Variants in SLC35F1 observed in about 807,000 individuals in gnomAD.
The protein encoded by SLC35F1 is solute carrier family 35 member F1, also known as chromosome 6 open reading frame 169.
A neutral mutation model predicts 48.7 loss-of-function variants in SLC35F1; 14 were observed. The observed-to-expected ratio is 0.29, with a 90% CI of 0.19 to 0.45. SLC35F1 has a LOEUF of 0.45. SLC35F1 is among the 20% of genes least tolerant of loss of function. The probability of loss-of-function intolerance (pLI) is 1.00; values close to 1 mark genes in which losing one functional copy is unlikely to be tolerated. For missense variants in SLC35F1, 404 were observed against 500.0 expected, an observed-to-expected ratio of 0.81 and a Z score of 1.83; for synonymous variants, 190 against 202.2, an observed-to-expected ratio of 0.94 and a Z score of 0.51.
At chr6:118,193,178 A>G (rs145169078) in intron 2 of SLC35F1, among the ~76,000 whole-genome samples, 1 of 152,308 alleles carries the variant, frequency 6.6e-6, no homozygotes, top group East Asian at 1.9e-4. Flanking sequence ...GCATTAGTGT[A>G]CTATTAATGT....
intron 7 of SLC35F1, among the ~76,000 whole-genome samples, chr6:118,303,680 T>C (rs1776280251): frequency 1.3e-5 from 2 of 152,358 alleles, no homozygotes; most frequent in South Asian, 4.1e-4. Flanking sequence ...GACTACAGCT[T>C]TGTTTGCTAA....
chr6:118,010,730 A>G (rs1777233712), intron 1 of SLC35F1, among the ~76,000 whole-genome samples: 1 of 152,174 alleles, frequency 6.6e-6, no homozygotes, highest in South Asian at 2.1e-4. Context: ...TTCTTTAACC[A>G]ATCTTGTTGT....
intron 1 of SLC35F1, among the ~76,000 whole-genome samples, chr6:117,913,958 C>T (rs57240224): frequency 0.081 from 12,232 of 151,900 alleles, 1,674 homozygotes; most frequent in African/African-American, 0.28. Context: ...GGCTGAGGCA[C>T]GAGAACCACT....
intron 6 of SLC35F1, among the ~76,000 whole-genome samples, chr6:118,281,183 T>G (rs1775979236): frequency 9.6e-6 from 1 of 104,456 alleles, no homozygotes; most frequent in African/African-American, 4.1e-5. Flanking sequence ...TAACTCTCTC[T>G]CTCTCTCTCT....
At chr6:118,215,405 A>C (rs1233907982) in intron 2 of SLC35F1, among the ~76,000 whole-genome samples, 1 of 152,122 alleles carries the variant, frequency 6.6e-6, no homozygotes, top group Non-Finnish European at 1.5e-5. Context: ...GCTTTTAACT[A>C]ATATGTATTA....
intron 1 of SLC35F1, among the ~76,000 whole-genome samples, chr6:118,040,038 G>A (rs1017714764): frequency 5.9e-5 from 9 of 151,972 alleles, no homozygotes; most frequent in Non-Finnish European, 1.2e-4. Context: ...CTCAGCCTTT[G>A]GTATGCTGCT....
chr6:118,104,740 C>T (rs896161117), intron 1 of SLC35F1, among the ~76,000 whole-genome samples: 8 of 152,040 alleles, frequency 5.3e-5, no homozygotes, highest in African/African-American at 1.9e-4. Context: ...AGAATGTCAC[C>T]CACCCACCAT....
At chr6:118,216,465 C>CA (rs55750771) in intron 2 of SLC35F1, among the ~76,000 whole-genome samples, 127,836 of 139,084 alleles carry the variant, frequency 0.92, 58,673 homozygotes, top group East Asian at 0.97. Context: ...ACCCCCACTT[C>CA]AAAAAAAAAA....
intron 3 of SLC35F1, among the ~76,000 whole-genome samples, chr6:118,262,841 G>T (rs111536540): frequency 0.04 from 6,074 of 152,198 alleles, 420 homozygotes; most frequent in African/African-American, 0.14. Context: ...AATCCCAGCA[G>T]TTTGGGAGAC....
intron 4 of SLC35F1, among the ~76,000 whole-genome samples, chr6:118,270,756 A>C (rs976251615): frequency 2.0e-5 from 3 of 152,198 alleles, no homozygotes; most frequent in African/African-American, 7.2e-5. Flanking sequence ...GTGGCTTCTG[A>C]GAATATTATA....
chr6:117,999,328 G>A (rs915460714), intron 1 of SLC35F1: 45 of 1,595,568 alleles, frequency 2.8e-5, no homozygotes, highest in Non-Finnish European at 3.1e-5. Flanking sequence ...GGCTCAGGCT[G>A]TGCCGGCCAA....
At chr6:118,037,818 A>G (rs1004687577) in intron 1 of SLC35F1, among the ~76,000 whole-genome samples, 2 of 149,716 alleles carry the variant, frequency 1.3e-5, no homozygotes, top group Admixed American at 1.3e-4. Flanking sequence ...GAATTGAACA[A>G]TGAGAACACA....
At chr6:118,201,857 T>C (rs1774877370) in intron 2 of SLC35F1, among the ~76,000 whole-genome samples, 1 of 152,312 alleles carries the variant, frequency 6.6e-6, no homozygotes, top group Middle Eastern at 3.4e-3. Context: ...AGAAATGAAA[T>C]CATATAATAT....
intron 6 of SLC35F1, among the ~76,000 whole-genome samples, chr6:118,279,766 T>C (rs1775959675): frequency 6.6e-6 from 1 of 152,184 alleles, no homozygotes; most frequent in Non-Finnish European, 1.5e-5. Flanking sequence ...GACTATGTCC[T>C]GATGGAAAGC....
intron 1 of SLC35F1, among the ~76,000 whole-genome samples, chr6:118,081,833 G>A (rs1402353936): frequency 6.6e-6 from 1 of 152,176 alleles, no homozygotes; most frequent in Non-Finnish European, 1.5e-5. Flanking sequence ...TCTTTGCTGT[G>A]AGTCTGCAGA....
chr6:118,192,754 A>G (rs948512171), intron 2 of SLC35F1, among the ~76,000 whole-genome samples: 3 of 152,142 alleles, frequency 2.0e-5, no homozygotes, highest in Non-Finnish European at 4.4e-5. Context: ...TATTTTGACA[A>G]TGCTTCCCTT....
At chr6:118,188,077 A>C (rs1260592820) in intron 2 of SLC35F1, among the ~76,000 whole-genome samples, 1 of 152,242 alleles carries the variant, frequency 6.6e-6, no homozygotes, top group Non-Finnish European at 1.5e-5. Context: ...CTTGACACAG[A>C]GTCGCAGATT....
intron 2 of SLC35F1, among the ~76,000 whole-genome samples, chr6:118,158,947 G>A (rs779669809): frequency 8.5e-5 from 13 of 152,096 alleles, no homozygotes; most frequent in Non-Finnish European, 1.8e-4. Context: ...TCGGCTGGGC[G>A]TGGTGGCTCA....
chr6:118,111,617 G>T (rs11962518), intron 1 of SLC35F1, among the ~76,000 whole-genome samples: 47,142 of 152,024 alleles, frequency 0.31, 8,779 homozygotes, highest in Non-Finnish European at 0.43. Flanking sequence ...GAAGGAAAAT[G>T]ATATAGATCA....
Sources: allele counts gnomAD v4.1 joint callset (sites outside exome capture counted in the v4.1 genomes callset), GRCh38; gene constraint gnomAD v4.1.1; transcripts MANE v1.5; gene names NCBI Gene and HGNC (gene_info 2026-07-23, HGNC 2026-07-21).